Variants in ABCC1 observed in about 807,000 individuals in gnomAD.
The protein encoded by ABCC1 is ATP binding cassette subfamily C member 1 (ABCC1 blood group).
ABCC1 carries 83 observed loss-of-function variants against 172.9 expected under a neutral mutation model. That is an observed-to-expected ratio of 0.48 (90% CI 0.40 to 0.58). ABCC1 has a LOEUF of 0.58. Ranked by LOEUF, ABCC1 falls within the 20% of genes least tolerant of loss-of-function variation. ABCC1 has a pLI of 0.00. For missense variants in ABCC1, 1,817 were observed against 2,002.7 expected (o/e 0.91, Z 1.77); for synonymous variants, 937 against 825.2 (o/e 1.14, Z -2.32).
intron 12 of ABCC1, among the ~76,000 whole-genome samples, chr16:16,067,855 T>C (rs2050171103): frequency 1.3e-5 from 2 of 152,136 alleles, no homozygotes; most frequent in South Asian, 2.1e-4. Context: ...GGCTTGGGGA[T>C]TGTGCTTGGT....
At chr16:16,135,547 C>T (rs993908394) in intron 28 of ABCC1, among the ~76,000 whole-genome samples, 3 of 152,154 alleles carry the variant, frequency 2.0e-5, no homozygotes, top group Non-Finnish European at 4.4e-5. Flanking sequence ...CCTGCACCTC[C>T]TGGGTTCAAG....
At chr16:16,101,984 C>CT (rs2051774980) in intron 19 of ABCC1, among the ~76,000 whole-genome samples, 1 of 152,192 alleles carries the variant, frequency 6.6e-6, no homozygotes. Context: ...GAAGGGTCCA[C>CT]TTTGAAGCTC....
intron 1 of ABCC1, among the ~76,000 whole-genome samples, chr16:15,999,521 A>T (rs145854180): frequency 0.015 from 2,286 of 151,816 alleles, 54 homozygotes; most frequent in African/African-American, 0.05. Context: ...AAGCTGAGGC[A>T]GGAGACTCGT....
intron 1 of ABCC1, among the ~76,000 whole-genome samples, chr16:16,007,528 T>C (rs532648287): frequency 6.6e-5 from 10 of 152,306 alleles, no homozygotes; most frequent in Non-Finnish European, 1.3e-4. Context: ...CTGACCTGTA[T>C]GCTCCTGTTA....
intron 1 of ABCC1, among the ~76,000 whole-genome samples, chr16:15,952,400 C>T (rs215108): frequency 0.96 from 145,721 of 151,990 alleles, 69,899 homozygotes; most frequent in East Asian, 1. Context: ...AAGTCAAGGT[C>T]AGTGGGCCTC....
At chr16:16,104,995 C>G (rs1405675733) in intron 20 of ABCC1, among the ~76,000 whole-genome samples, 1 of 152,256 alleles carries the variant, frequency 6.6e-6, no homozygotes, top group East Asian at 1.9e-4. Context: ...CTCCGGTTCC[C>G]TCCCGTTCCT....
rs761977911 is a variant in ABCC1, at chr16:16,048,155, C to G, written c.1232C>G (p.Thr411Ser). 6 of 1,614,126 alleles carry G rather than the reference C, an allele frequency of 3.7e-6. No individual in the cohort carries two copies. The highest frequency in any genetic ancestry group is 4.2e-6 in the Non-Finnish European group (5 of 1,180,014). Residue 411 changes from threonine (T) to serine (S), a missense_variant, in exon 10 of 31, where the codon ACC becomes AGC. Transcript: ENST00000399410. The stretch of plus-strand genomic sequence containing the variant: ...TTTGTCCCACAGGCCCTGGTGATCA[C>G]CAATTCAGCCAGAAAATCCTCCACG... ...GAVYRKALVI[T>S]NSARKSSTVG... is the part of the protein sequence containing the mutation.
intron 5 of ABCC1, among the ~76,000 whole-genome samples, chr16:16,031,649 T>C (rs1300004585): frequency 2.0e-5 from 3 of 152,166 alleles, no homozygotes; most frequent in Non-Finnish European, 4.4e-5. Context: ...CACACACTGC[T>C]GTCTGTTGGG....
At chr16:15,950,131 C>T (rs1459130617) in intron 1 of ABCC1, among the ~76,000 whole-genome samples, 1 of 151,130 alleles carries the variant, frequency 6.6e-6, no homozygotes, top group Non-Finnish European at 1.5e-5. Context: ...GGGAAGGGGA[C>T]GCTAGAGATG....
In ABCC1 at chr16:15,949,785, T is replaced by C. The variant is rs2045821621; in HGVS notation, c.34T>C (p.Ser12Pro). The C allele has an allele frequency of 1.7e-6, 2 of 1,195,692 alleles. No individual in the cohort carries two copies. Among genetic ancestry groups the C allele is most frequent in the African/African-American group, 3.2e-5 (2 of 62,522 alleles). The allele number at this position is 1,195,692 out of a possible 1,614,324, so 74.1% of individuals were successfully genotyped here. A position where few individuals can be genotyped will look rare whatever the true frequency, so the allele number is the denominator to read the frequency against. Residue 12 changes from serine to proline, a missense_variant, in exon 1 of 31, where the codon TCC (serine) becomes CCC (proline). This residue lies in a region of ABCC1 where 398 missense variants were observed against 384.2 expected (regional missense o/e 1.04). Coordinates refer to ENST00000399410, the MANE Select transcript of ABCC1 (RefSeq NM_004996.4). ...CCGGGGCTTCTGCAGCGCCGATGGCTCCGACCCGCTCTGGGTACGTGCCGG... is the reference window on the plus strand; with the variant it reads ...CCGGGGCTTCTGCAGCGCCGATGGCCCCGACCCGCTCTGGGTACGTGCCGG... The part of the protein sequence containing the change: ...ALRGFCSADG[S>P]DPLWDWNVTW...
intron 26 of ABCC1, among the ~76,000 whole-genome samples, chr16:16,126,736 C>T (rs1764914136): frequency 6.6e-6 from 1 of 152,078 alleles, no homozygotes; most frequent in Non-Finnish European, 1.5e-5. Flanking sequence ...TACTACTTTT[C>T]CTTTTGTGAT....
intron 1 of ABCC1, among the ~76,000 whole-genome samples, chr16:15,975,894 C>G (rs147424398): frequency 3.3e-5 from 5 of 152,200 alleles, no homozygotes; most frequent in African/African-American, 1.2e-4. Context: ...TAAGCATGTC[C>G]TATATGCATC....
intron 13 of ABCC1, 74 bp downstream of exon 13, chr16:16,068,376 C>G: frequency 6.4e-7 from 1 of 1,552,752 alleles, no homozygotes; most frequent in Non-Finnish European, 8.8e-7. Context: ...GGAAGTGCCC[C>G]CGAGCGCAGC....
chr16:15,995,901 CTGGGCTCA>C (rs886408202), intron 1 of ABCC1, among the ~76,000 whole-genome samples: 1 of 151,860 alleles, frequency 6.6e-6, no homozygotes, highest in Non-Finnish European at 1.5e-5. Context: ...TCTCGAACTC[CTGGGCTCA>C]AGTGATCCTC....
At chr16:16,130,755 A>C (rs2045643998) in intron 26 of ABCC1, among the ~76,000 whole-genome samples, 1 of 152,232 alleles carries the variant, frequency 6.6e-6, no homozygotes, top group South Asian at 2.1e-4. Context: ...CCTTGACGTT[A>C]AAAGAATCTG....
At chr16:16,074,167 T>G (rs1049972536) in intron 14 of ABCC1, among the ~76,000 whole-genome samples, 2 of 152,172 alleles carry the variant, frequency 1.3e-5, no homozygotes, top group Admixed American at 6.5e-5. Flanking sequence ...TGTGGGATGT[T>G]GAGCAGCAAC....
intron 1 of ABCC1, among the ~76,000 whole-genome samples, chr16:15,978,420 G>A (rs1434882071): frequency 6.6e-6 from 1 of 152,132 alleles, no homozygotes; most frequent in Non-Finnish European, 1.5e-5. Flanking sequence ...TATTGTCCTT[G>A]CTGTATGAAT....
chr16:15,992,495 GTTCCAGCGA>G (rs139447184), intron 1 of ABCC1, among the ~76,000 whole-genome samples: 16,573 of 152,116 alleles, frequency 0.11, 970 homozygotes, highest in Middle Eastern at 0.15. Context: ...TGCCTCCCAG[GTTCCAGCGA>G]TTCTCCTGCC....
Position 16,125,846 on chromosome 16 carries a change from T to A in ABCC1, c.3754T>A (p.Ser1252Thr). The change falls in exon 26 of 31, where the codon TCT becomes ACT. Residue 1252 changes from serine (S) to threonine (T), a missense_variant. Coordinates refer to ENST00000399410, the MANE Select transcript of ABCC1 (RefSeq NM_004996.4). Reference protein sequence around the residue: ...TYLNWLVRMSSEMETNIVAVE... With the variant: ...TYLNWLVRMSTEMETNIVAVE... ...CTTGAACTGGCTGGTTCGGATGTCA[T>A]CTGAAATGGAAACCAACATCGTGGC... The A allele has an allele frequency of 6.2e-7, 1 of 1,614,026 alleles. No individual in the cohort carries two copies. The highest frequency in any genetic ancestry group is 8.5e-7 in the Non-Finnish European group (1 of 1,179,992).
Sources: gnomAD v4.1 joint callset for allele counts (sites outside exome capture counted in the v4.1 genomes callset) on GRCh38, gnomAD v4.1.1 for gene constraint, gnomAD v4.1.1 regional missense constraint, MANE v1.5 for transcripts, NCBI Gene and HGNC (gene_info 2026-07-23, HGNC 2026-07-21) for gene names.